Variants in SMAP1 observed in about 807,000 individuals in gnomAD.
SMAP1 encodes the protein small ArfGAP 1.
In SMAP1, 24 loss-of-function variants were observed where a neutral mutation model predicts 58.5. The ratio of observed to expected loss-of-function variants is 0.41; its 90% confidence interval spans 0.30 to 0.58. The LOEUF (loss-of-function observed/expected upper bound fraction) is 0.58. SMAP1 is among the 20% of genes least tolerant of loss of function. The probability of loss-of-function intolerance (pLI) is 0.29; values close to 1 mark genes in which losing one functional copy is unlikely to be tolerated. For synonymous variants in SMAP1, 216 were observed against 196.6 expected (o/e 1.10, Z -0.82); for missense variants, 563 against 566.3 (o/e 0.99, Z 0.06).
chr6:70,688,542 GT>G (rs1268797817), intron 1 of SMAP1, among the ~76,000 whole-genome samples: 1 of 152,122 alleles, frequency 6.6e-6, no homozygotes, highest in African/African-American at 2.4e-5. Flanking sequence ...TCTCCTAGTG[GT>G]TTATGGTGTT....
intron 6 of SMAP1, among the ~76,000 whole-genome samples, chr6:70,808,532 A>G (rs2149966546): frequency 6.6e-6 from 1 of 152,332 alleles, no homozygotes; most frequent in Non-Finnish European, 1.5e-5. Context: ...GCCAGGCTCC[A>G]GCTCCTGATC....
At chr6:70,715,680 G>A (rs1167004010) in intron 1 of SMAP1, among the ~76,000 whole-genome samples, 1 of 152,080 alleles carries the variant, frequency 6.6e-6, no homozygotes, top group Non-Finnish European at 1.5e-5. Flanking sequence ...TGGGAGAGGT[G>A]GAGGGTTTTG....
chr6:70,703,437 A>T (rs1410190872), intron 1 of SMAP1, among the ~76,000 whole-genome samples: 1 of 152,144 alleles, frequency 6.6e-6, no homozygotes, highest in Non-Finnish European at 1.5e-5. Context: ...TTGTATTTTT[A>T]TAAATATTTT....
chr6:70,794,786 TTC>T, intron 5 of SMAP1, among the ~76,000 whole-genome samples: 2 of 134,382 alleles, frequency 1.5e-5, no homozygotes, highest in Admixed American at 1.5e-4. Context: ...ACATTTTCTT[TTC>T]TTTTTTTTTT....
chr6:70,855,277 G>T (rs559483014), intron 8 of SMAP1, among the ~76,000 whole-genome samples: 3 of 152,064 alleles, frequency 2.0e-5, no homozygotes, highest in Non-Finnish European at 4.4e-5. Context: ...TAGTGCTGGC[G>T]AGTGGAGCAC....
chr6:70,861,979 C>A lies in SMAP1; in HGVS notation c.*1645C>A. ...ATGACTTGAAGACTTACAGCAAATC[C>A]TTTGTGAAAAATAAAAAAAAAAAAG... On this transcript the variant is annotated 3_prime_UTR_variant, in exon 11 of 11. Transcript: ENST00000370455. 1 of 1,574,050 alleles carries A rather than the reference C, an allele frequency of 6.4e-7. No homozygotes were observed. The highest frequency in any genetic ancestry group is 8.6e-7 in the Non-Finnish European group (1 of 1,164,654).
At chr6:70,767,125 T>C (rs1247732759) in intron 3 of SMAP1, among the ~76,000 whole-genome samples, 2 of 152,044 alleles carry the variant, frequency 1.3e-5, no homozygotes, top group African/African-American at 2.4e-5. Context: ...TTGGTACCAA[T>C]ACCATGCTGT....
Position 70,857,224 on chromosome 6 carries a change from G to T in SMAP1, c.961+194G>T, listed in dbSNP as rs151027218. ...TTAAGAGGCATGTACAGGATTCACAGAACTTTATTTGGAATTAACAAGCTG... is the reference window on the plus strand; with the variant it reads ...TTAAGAGGCATGTACAGGATTCACATAACTTTATTTGGAATTAACAAGCTG... On this transcript the variant is annotated intron_variant, in intron 9 of 10. Coordinates refer to ENST00000370455, the MANE Select transcript of SMAP1 (RefSeq NM_001044305.3). The T allele has an allele frequency of 1.3e-3, 594 of 451,680 alleles. 3 individuals carry two copies. The highest frequency in any genetic ancestry group is 0.01 in the African/African-American group (512 of 50,542). The allele number at this position is 451,680 out of a possible 1,614,324, so 28.0% of individuals were successfully genotyped here. A position where few individuals can be genotyped will look rare whatever the true frequency, so the allele number is the denominator to read the frequency against.
chr6:70,793,673 A>AGAGAG (rs1768467436), intron 5 of SMAP1, among the ~76,000 whole-genome samples: 3 of 149,602 alleles, frequency 2.0e-5, no homozygotes, highest in African/African-American at 5.0e-5. Context: ...AGAGAGAGAG[A>AGAGAG]AAGCTTAAAA....
rs1331860042 is a variant in SMAP1 at position 70,770,500 on chromosome 6, C to T, written c.339-2850C>T. Among the ~76,000 whole-genome samples the T allele has an allele frequency of 5.9e-5, 9 of 152,254 alleles. No homozygotes were observed. In the East Asian group the frequency reaches 1.2e-3, roughly 20 times the overall value. On this transcript the variant is annotated intron_variant, in intron 3 of 10. Transcript: ENST00000370455. ...CCTTCTCGCTTCATTTCATTCATTT[C>T]GTCTTCCATCACTGACACCCTTTCT...
intron 6 of SMAP1, among the ~76,000 whole-genome samples, chr6:70,833,542 A>G (rs985410716): frequency 6.6e-6 from 1 of 152,184 alleles, no homozygotes; most frequent in Non-Finnish European, 1.5e-5. Flanking sequence ...AGCCAACTCT[A>G]TTTGGAATAA....
At chr6:70,672,816 G>A (rs147421474) in intron 1 of SMAP1, among the ~76,000 whole-genome samples, 9 of 152,180 alleles carry the variant, frequency 5.9e-5, no homozygotes, top group Admixed American at 2.6e-4. Flanking sequence ...TTTGAGCTAG[G>A]TTCTGAAGGT....
intron 1 of SMAP1, among the ~76,000 whole-genome samples, chr6:70,678,797 T>A (rs1190232592): frequency 6.6e-6 from 1 of 152,188 alleles, no homozygotes; most frequent in African/African-American, 2.4e-5. Context: ...TGTGTCATCC[T>A]TGATTCTGCT....
intron 6 of SMAP1, among the ~76,000 whole-genome samples, chr6:70,811,859 T>C (rs1300804251): frequency 6.6e-6 from 1 of 152,180 alleles, no homozygotes; most frequent in Non-Finnish European, 1.5e-5. Context: ...GCAGAGAATA[T>C]GTCCCAAGAT....
chr6:70,788,533 A>G (rs1768186823), intron 4 of SMAP1, among the ~76,000 whole-genome samples: 1 of 152,182 alleles, frequency 6.6e-6, no homozygotes, highest in South Asian at 2.1e-4. Flanking sequence ...CTCTATAGAG[A>G]GATCAAGGAA....
At chr6:70,674,157 T>C (rs533818947) in intron 1 of SMAP1, among the ~76,000 whole-genome samples, 27 of 152,126 alleles carry the variant, frequency 1.8e-4, no homozygotes, top group African/African-American at 6.0e-4. Context: ...GGTCTCACTC[T>C]GTCGCTGGGC....
At chr6:70,729,059 A>C (rs1263393778) in intron 1 of SMAP1, among the ~76,000 whole-genome samples, 2 of 151,288 alleles carry the variant, frequency 1.3e-5, no homozygotes, top group Admixed American at 6.6e-5. Flanking sequence ...CTCATTCTCT[A>C]CTTTTACTGC....
chr6:70,774,485 C>T (rs1767464533), intron 4 of SMAP1, among the ~76,000 whole-genome samples: 1 of 152,058 alleles, frequency 6.6e-6, no homozygotes. Flanking sequence ...CTATTTGGCC[C>T]ATATGGAGAA....
At position 70,669,966 on chromosome 6, in the gene SMAP1, T is replaced by A. The variant is rs961190316; in HGVS notation, c.118+1825T>A. Among the ~76,000 whole-genome samples the A allele has an allele frequency of 1.6e-4, 25 of 151,840 alleles. 1 individual carries two copies. The highest frequency in any genetic ancestry group is 1.2e-3 in the Admixed American group (18 of 15,250). On this transcript the variant is annotated intron_variant, in intron 1 of 10. Transcript: ENST00000370455. The stretch of plus-strand genomic sequence containing the variant: ...TAACCATGTTAACTTTTTTTTTTTT[T>A]ATTTACTCTTTTGAGGTGGGGAGAA...
Sources: allele counts gnomAD v4.1 joint callset (sites outside exome capture counted in the v4.1 genomes callset), GRCh38; gene constraint gnomAD v4.1.1; transcripts MANE v1.5; gene names NCBI Gene and HGNC (gene_info 2026-07-23, HGNC 2026-07-21).